The following RASA3 variants were observed in gnomAD, a reference collection of about 807,000 sequenced individuals.
RASA3 encodes the protein RAS p21 protein activator 3.
Under a neutral mutation model 110.0 loss-of-function variants are expected in RASA3, and 73 were observed. The ratio of observed to expected loss-of-function variants is 0.66; its 90% CI spans 0.55 to 0.81. RASA3 has a LOEUF of 0.81. Ranked by LOEUF, RASA3 falls within the 30% of genes least tolerant of loss-of-function variation. RASA3 has a pLI of 0.00. For synonymous variants in RASA3, 500 were observed against 451.4 expected, an observed-to-expected ratio of 1.11 and a Z score of -1.37; for missense variants, 976 against 1,113.2, an observed-to-expected ratio of 0.88 and a Z score of 1.75.
chr13:114,021,323 CTG>C, intron 9 of RASA3, 79 bp downstream of exon 9: 2 of 1,277,472 alleles, frequency 1.6e-6, no homozygotes, highest in African/African-American at 2.9e-5. Context: ...CATGTGGCCT[CTG>C]TGCCTTTCCA....
Position 114,045,510 on chromosome 13 carries a change from C to T in RASA3, c.278-4416G>A, listed in dbSNP as rs967773104. Among the ~76,000 whole-genome samples, 7 of 152,162 alleles carry T rather than the reference C, an allele frequency of 4.6e-5. No homozygotes were observed. In the East Asian group the frequency reaches 9.6e-4, roughly 21 times the overall value. ...CAAGAGCTGCCCGAGACAGGGAATG[C>T]GGCTGAAATGCGCGCGCCTCCCTCT... On this transcript the variant is annotated intron_variant, in intron 3 of 23. Transcript: ENST00000334062.
chr13:113,991,352 G>A (rs1357344821), intron 22 of RASA3, among the ~76,000 whole-genome samples: 1 of 152,224 alleles, frequency 6.6e-6, no homozygotes, highest in Non-Finnish European at 1.5e-5. Context: ...AGGCACACTT[G>A]ACACTTCTGG....
At chr13:114,130,225 G>A (rs2080499440) in intron 1 of RASA3, among the ~76,000 whole-genome samples, 1 of 152,176 alleles carries the variant, frequency 6.6e-6, no homozygotes, top group South Asian at 2.1e-4. Context: ...AGCTACTTGG[G>A]GCACAGATAC....
intron 14 of RASA3, among the ~76,000 whole-genome samples, chr13:114,013,907 T>C (rs1412306018): frequency 9.5e-6 from 1 of 104,842 alleles, no homozygotes; most frequent in Non-Finnish European, 2.0e-5. Context: ...TCTCTCTTTC[T>C]CTGTCTCTCT....
intron 22 of RASA3, among the ~76,000 whole-genome samples, chr13:113,983,092 G>A (rs972319863): frequency 6.8e-6 from 1 of 147,692 alleles, no homozygotes; most frequent in East Asian, 2.0e-4. Flanking sequence ...AAGGCTGAAG[G>A]GGTTTGGGGG....
At chr13:114,028,027 G>A in intron 5 of RASA3, 100 bp from the exon 6 acceptor site, 3 of 981,030 alleles carry the variant, frequency 3.1e-6, no homozygotes. Flanking sequence ...TTCAAGCTGT[G>A]AGATGAGGTT....
intron 8 of RASA3, among the ~76,000 whole-genome samples, chr13:114,023,628 G>T (rs923070795): frequency 6.6e-6 from 1 of 152,242 alleles, no homozygotes; most frequent in African/African-American, 2.4e-5. Context: ...GAGTCAGCGG[G>T]ATCGTGGGGC....
chr13:114,042,692 A>G (rs1005698351), intron 3 of RASA3, among the ~76,000 whole-genome samples: 1 of 152,154 alleles, frequency 6.6e-6, no homozygotes, highest in African/African-American at 2.4e-5. Context: ...TCCAAGGAAG[A>G]TCCTTTTATA....
rs1453634850 is a variant in RASA3 at position 114,036,761 on chromosome 13, AC to A, written c.372+4238del. On this transcript the variant is annotated intron_variant, in intron 4 of 23. Transcript: ENST00000334062. ...CATGTTGGTCAGGCTGGTCTCAAAC[AC>A]CTGACCTCAGGTGATCCACCCGCCT... is the stretch of plus-strand genomic sequence containing the variant. Among the ~76,000 whole-genome samples the A allele has an allele frequency of 3.9e-5, 6 of 152,058 alleles. No homozygotes were observed. In the East Asian group the frequency reaches 9.7e-4, roughly 25 times the overall value.
At chr13:114,105,959 G>A (rs560476194) in intron 1 of RASA3, among the ~76,000 whole-genome samples, 2 of 152,260 alleles carry the variant, frequency 1.3e-5, no homozygotes, top group South Asian at 2.1e-4. Flanking sequence ...TCTTGCACCC[G>A]CCCTGAGCTG....
chr13:114,106,462 T>C (rs934560481), intron 1 of RASA3, among the ~76,000 whole-genome samples: 1 of 152,252 alleles, frequency 6.6e-6, no homozygotes, highest in Non-Finnish European at 1.5e-5. Context: ...AACATTTCCT[T>C]CGTTTATATT....
At chr13:113,980,454 TG>T in intron 23 of RASA3, among the ~76,000 whole-genome samples, 1 of 100,588 alleles carries the variant, frequency 9.9e-6, no homozygotes, top group Non-Finnish European at 2.0e-5. Context: ...GCCATGTGTG[TG>T]CACCTCCACC....
chr13:114,028,197 C>G (rs2054064580), intron 5 of RASA3, among the ~76,000 whole-genome samples: 1 of 134,290 alleles, frequency 7.4e-6, no homozygotes, highest in Admixed American at 7.6e-5. Flanking sequence ...AAAGCAGCGT[C>G]ATCGGGGGGG....
At chr13:114,067,189 G>A (rs1339631100) in intron 2 of RASA3, among the ~76,000 whole-genome samples, 2 of 150,268 alleles carry the variant, frequency 1.3e-5, no homozygotes, top group Non-Finnish European at 3.0e-5. Flanking sequence ...GGTACTCTGG[G>A]GCTGAGGACG....
intron 22 of RASA3, among the ~76,000 whole-genome samples, chr13:113,982,797 T>TA (rs1330979832): frequency 6.6e-6 from 1 of 152,166 alleles, no homozygotes; most frequent in African/African-American, 2.4e-5. Flanking sequence ...GGCGTCCCTA[T>TA]AGAAGACACC....
chr13:114,004,747 G>C (rs1410267062), intron 18 of RASA3, among the ~76,000 whole-genome samples: 1 of 152,210 alleles, frequency 6.6e-6, no homozygotes, highest in Non-Finnish European at 1.5e-5. Flanking sequence ...TAAAGGCAGA[G>C]CTGCCATTCG....
intron 19 of RASA3, 95 bp downstream of exon 19, chr13:114,000,731 C>T (rs1566460839): frequency 8.4e-6 from 8 of 954,940 alleles, no homozygotes; most frequent in Admixed American, 1.8e-5. Context: ...GCACTGAATC[C>T]TTCCTCCCCT....
At chr13:114,122,785 C>T (rs560325496) in intron 1 of RASA3, among the ~76,000 whole-genome samples, 58 of 152,260 alleles carry the variant, frequency 3.8e-4, no homozygotes, top group Non-Finnish European at 7.8e-4. Flanking sequence ...AGGGGGTCTC[C>T]GGCAGGTCGG....
intron 1 of RASA3, among the ~76,000 whole-genome samples, chr13:114,116,411 C>A (rs969690759): frequency 6.6e-6 from 1 of 152,014 alleles, no homozygotes; most frequent in African/African-American, 2.4e-5. Context: ...CCGAAAGACT[C>A]CAGCGTAGGA....
Sources: gnomAD v4.1 joint callset for allele counts (sites outside exome capture counted in the v4.1 genomes callset) on GRCh38, gnomAD v4.1.1 for gene constraint, MANE v1.5 for transcripts, NCBI Gene and HGNC (gene_info 2026-07-23, HGNC 2026-07-21) for gene names.